Variants in TRHDE observed in about 807,000 individuals in gnomAD.
TRHDE encodes thyrotropin-releasing hormone-degrading ectoenzyme.
TRHDE carries 72 observed loss-of-function variants against 125.7 expected under a neutral mutation model. The ratio of observed to expected loss-of-function variants is 0.57; its 90% CI spans 0.47 to 0.70. The LOEUF (loss-of-function observed/expected upper bound fraction) is 0.70, where lower values mean the gene tolerates loss of function less well. TRHDE is among the 30% of genes least tolerant of loss of function. The pLI is 0.00. For missense variants in TRHDE, 1,110 were observed against 1,327.1 expected (o/e 0.84, Z 2.54); for synonymous variants, 509 against 509.1 (o/e 1.00, Z 0.00).
Position 72,557,744 on chromosome 12 carries a change from C to T in TRHDE, c.1789-4421C>T, listed in dbSNP as rs150989595. On this transcript the variant is annotated intron_variant, in intron 7 of 18. Coordinates refer to ENST00000261180, the MANE Select transcript of TRHDE (RefSeq NM_013381.3). Reference sequence around the variant, plus strand: ...AAATGAAATAAAACAAAAATGGTCTCGTATGTAATCATTCACAATTTTTGG... The same window carrying T: ...AAATGAAATAAAACAAAAATGGTCTTGTATGTAATCATTCACAATTTTTGG... Among the ~76,000 whole-genome samples the T allele has an allele frequency of 2.2e-3, 329 of 152,122 alleles. 2 individuals are homozygous for T. The highest frequency in any genetic ancestry group is 7.6e-3 in the African/African-American group (316 of 41,504).
chr12:72,127,873 A>G (rs1875759327), intron 2 of TRHDE, among the ~76,000 whole-genome samples: 3 of 152,086 alleles, frequency 2.0e-5, no homozygotes, highest in Admixed American at 6.6e-5. Flanking sequence ...GTATATATAT[A>G]TGTGTGTGTA....
At chr12:72,372,015 A>G (rs1446485169) in intron 2 of TRHDE, among the ~76,000 whole-genome samples, 1 of 151,842 alleles carries the variant, frequency 6.6e-6, no homozygotes. Flanking sequence ...CCAACAGTAT[A>G]AAAGTGTTCC....
chr12:72,297,855 G>C (rs928498958), intron 2 of TRHDE, among the ~76,000 whole-genome samples: 2 of 152,196 alleles, frequency 1.3e-5, no homozygotes, highest in Non-Finnish European at 2.9e-5. Context: ...TTATGCGGCA[G>C]ACGGAATGGT....
intron 2 of TRHDE, among the ~76,000 whole-genome samples, chr12:72,314,312 C>G (rs573156135): frequency 6.7e-6 from 1 of 149,002 alleles, no homozygotes; most frequent in Non-Finnish European, 1.5e-5. Flanking sequence ...TTTTCTATCT[C>G]CTCCCTTCCT....
At chr12:72,227,276 A>G (rs1189594509) in intron 2 of TRHDE, among the ~76,000 whole-genome samples, 1 of 152,212 alleles carries the variant, frequency 6.6e-6, no homozygotes, top group East Asian at 1.9e-4. Context: ...TCATAGTTCC[A>G]CATGGCTGGG....
At chr12:72,572,027 G>T in intron 10 of TRHDE, among the ~76,000 whole-genome samples, 1 of 95,610 alleles carries the variant, frequency 1.0e-5, no homozygotes, top group African/African-American at 3.0e-5. Flanking sequence ...ACGATTTATT[G>T]CTATGGTAGA....
chr12:72,648,805 A>G (rs1422528113), intron 15 of TRHDE, among the ~76,000 whole-genome samples: 1 of 152,028 alleles, frequency 6.6e-6, no homozygotes, highest in Non-Finnish European at 1.5e-5. Flanking sequence ...ACAAAAATAA[A>G]CTTTCAAAAG....
Position 72,305,525 on chromosome 12 carries a change from G to A in TRHDE, c.1188+18571G>A, listed in dbSNP as rs569984195. Among the ~76,000 whole-genome samples the A allele has an allele frequency of 2.7e-4, 41 of 152,262 alleles. 1 individual carries two copies. Among genetic ancestry groups the A allele is most frequent in the African/African-American group, 7.0e-4 (29 of 41,542 alleles). On this transcript the variant is annotated intron_variant, in intron 2 of 18. Coordinates refer to ENST00000261180, the MANE Select transcript of TRHDE (RefSeq NM_013381.3). Reference sequence around the variant, plus strand: ...CAGGAGGATTTTGGCTACAAGAATCGTTTGCCTCTTCAGTAACAGGTTCTA... The same window carrying A: ...CAGGAGGATTTTGGCTACAAGAATCATTTGCCTCTTCAGTAACAGGTTCTA...
chr12:72,296,995 G>A lies in TRHDE; in HGVS notation c.1188+10041G>A, dbSNP rs1015305299. Among the ~76,000 whole-genome samples, 6 of 152,160 alleles carry A rather than the reference G, an allele frequency of 3.9e-5. No individual in the cohort carries two copies. The East Asian group carries it at 9.6e-4, about 24-fold the overall frequency. The stretch of plus-strand genomic sequence containing the variant: ...GAGAACAGAAAGTTTCCAGAAAGCA[G>A]CCAAGAGCTACCTGATGTTAATGGC... On this transcript the variant is annotated intron_variant, in intron 2 of 18. Coordinates refer to ENST00000261180, the MANE Select transcript of TRHDE (RefSeq NM_013381.3).
At chr12:72,157,377 A>G (rs183470958) in intron 2 of TRHDE, among the ~76,000 whole-genome samples, 50 of 152,270 alleles carry the variant, frequency 3.3e-4, no homozygotes, top group Non-Finnish European at 6.5e-4. Flanking sequence ...TTTTAGGAAG[A>G]TCATCTTAGC....
chr12:72,432,207 G>T (rs189937293), intron 3 of TRHDE: 10 of 152,326 alleles, frequency 6.6e-5, no homozygotes, highest in Admixed American at 4.6e-4. Flanking sequence ...CAGATGAAAT[G>T]AGTACTCATA....
At chr12:72,505,947 C>T (rs182595151) in intron 6 of TRHDE, among the ~76,000 whole-genome samples, 7 of 152,252 alleles carry the variant, frequency 4.6e-5, no homozygotes, top group East Asian at 1.9e-4. Context: ...GCACTATTAA[C>T]GCTACACACA....
chr12:72,524,682 C>T (rs1868302652), intron 6 of TRHDE, among the ~76,000 whole-genome samples: 1 of 152,126 alleles, frequency 6.6e-6, no homozygotes, highest in Non-Finnish European at 1.5e-5. Context: ...TCTCATCAGC[C>T]TCTTATGCGA....
intron 3 of TRHDE, among the ~76,000 whole-genome samples, chr12:72,387,683 G>T (rs1012705138): frequency 1.3e-5 from 2 of 152,080 alleles, no homozygotes; most frequent in South Asian, 4.1e-4. Flanking sequence ...CACATGTTGT[G>T]CAAGGGACCC....
At chr12:72,109,401 A>G (rs1875265227) in intron 2 of TRHDE, among the ~76,000 whole-genome samples, 1 of 152,090 alleles carries the variant, frequency 6.6e-6, no homozygotes, top group Non-Finnish European at 1.5e-5. Context: ...ATAAATTAGT[A>G]TATGCTTGGC....
intron 2 of TRHDE, among the ~76,000 whole-genome samples, chr12:72,333,910 A>T (rs1403363553): frequency 6.6e-6 from 1 of 152,216 alleles, no homozygotes; most frequent in Admixed American, 6.5e-5. Context: ...GTGACAGTGG[A>T]TGGAGAGAAG....
At chr12:72,115,998 C>A (rs1024218146) in intron 2 of TRHDE, among the ~76,000 whole-genome samples, 1 of 152,094 alleles carries the variant, frequency 6.6e-6, no homozygotes, top group African/African-American at 2.4e-5. Flanking sequence ...TCCTAATGCA[C>A]TCCCTCCCTT....
In TRHDE at chr12:72,621,158, G is replaced by T; in HGVS notation, c.2520G>T (p.Pro840=). The stretch of plus-strand genomic sequence containing the variant: ...CAACATATATCAAGCTTGGGTGGCC[G>T]AAAAATAATTTTAATGGATCTCTTG... ...VATTYIKLGW[P]KNNFNGSLVQ... Residue 840 remains proline, a synonymous_variant, in exon 14 of 19, where the codon CCG becomes CCT. Transcript: ENST00000261180. The T allele has an allele frequency of 6.2e-7, 1 of 1,612,008 alleles. No homozygotes were observed. Among genetic ancestry groups the T allele is most frequent in the Non-Finnish European group, 8.5e-7 (1 of 1,178,754 alleles).
At chr12:72,210,167 G>A (rs1482094080) in intron 2 of TRHDE, among the ~76,000 whole-genome samples, 1 of 86,626 alleles carries the variant, frequency 1.2e-5, no homozygotes, top group Non-Finnish European at 2.3e-5. Flanking sequence ...AGTTCTATAA[G>A]ATTGATCTAT....
Sources: gnomAD v4.1 joint callset for allele counts (sites outside exome capture counted in the v4.1 genomes callset) on GRCh38, gnomAD v4.1.1 for gene constraint, MANE v1.5 for transcripts, NCBI Gene and HGNC (gene_info 2026-07-23, HGNC 2026-07-21) for gene names.